Variants in IRF2 observed in about 807,000 individuals in gnomAD.
IRF2 encodes the protein interferon regulatory factor 2.
Under a neutral mutation model 40.6 loss-of-function variants are expected in IRF2, and 15 were observed. The ratio of observed to expected loss-of-function variants is 0.37; its 90% CI spans 0.25 to 0.57. IRF2 has a LOEUF of 0.57. Ranked by LOEUF, IRF2 falls within the 20% of genes least tolerant of loss-of-function variation. The pLI is 0.77. For missense variants in IRF2, 317 were observed against 455.7 expected, an observed-to-expected ratio of 0.70 and a Z score of 2.77; for synonymous variants, 151 against 165.5, an observed-to-expected ratio of 0.91 and a Z score of 0.67.
chr4:184,435,566 T>C (rs1411104273), intron 1 of IRF2, among the ~76,000 whole-genome samples: 1 of 152,094 alleles, frequency 6.6e-6, no homozygotes, highest in Non-Finnish European at 1.5e-5. Context: ...AGTTAAAAAT[T>C]AGGGGGGCAA....
intron 8 of IRF2, among the ~76,000 whole-genome samples, 190 bp from the exon 9 acceptor site, chr4:184,389,256 C>A (rs777099731): frequency 2.0e-5 from 3 of 151,932 alleles, no homozygotes; most frequent in African/African-American, 7.3e-5. Context: ...CTCATCTCTA[C>A]AAAACGTAAG....
At chr4:184,461,043 A>AT (rs1200924759) in intron 1 of IRF2, among the ~76,000 whole-genome samples, 2 of 152,210 alleles carry the variant, frequency 1.3e-5, no homozygotes, top group African/African-American at 4.8e-5. Context: ...GAGTTCCTGG[A>AT]TATCTTTCAT....
intron 1 of IRF2, among the ~76,000 whole-genome samples, chr4:184,471,726 T>A (rs35413497): frequency 0.2 from 30,896 of 152,152 alleles, 3,668 homozygotes; most frequent in South Asian, 0.33. Flanking sequence ...ACTATTTGCC[T>A]AATAAAGTGT....
intron 5 of IRF2, among the ~76,000 whole-genome samples, chr4:184,412,225 C>A (rs1447232328): frequency 6.6e-6 from 1 of 152,082 alleles, no homozygotes; most frequent in East Asian, 1.9e-4. Context: ...GGATTTTAAG[C>A]AAAAGCAAAC....
intron 8 of IRF2, among the ~76,000 whole-genome samples, chr4:184,389,563 T>C (rs926437356): frequency 6.6e-6 from 1 of 152,230 alleles, no homozygotes; most frequent in Non-Finnish European, 1.5e-5. Flanking sequence ...TGCACCCAGC[T>C]ATTCATATGC....
intron 6 of IRF2, chr4:184,407,197 G>C (rs1434851150): frequency 7.8e-7 from 1 of 1,289,422 alleles, no homozygotes. Flanking sequence ...GAGGCCAGCG[G>C]AGGCCTGTCA....
intron 1 of IRF2, among the ~76,000 whole-genome samples, chr4:184,435,316 G>A (rs753495584): frequency 1.4e-4 from 22 of 152,118 alleles, no homozygotes; most frequent in Non-Finnish European, 2.6e-4. Context: ...TCTCCGTCTT[G>A]CAAACCACTG....
chr4:184,437,673 G>A (rs1218158857), intron 1 of IRF2, among the ~76,000 whole-genome samples: 2 of 152,160 alleles, frequency 1.3e-5, no homozygotes, highest in African/African-American at 2.4e-5. Context: ...GTCTGAGCTT[G>A]TTTACGCAGG....
intron 1 of IRF2, among the ~76,000 whole-genome samples, chr4:184,444,847 C>G (rs1201391642): frequency 6.6e-6 from 1 of 152,244 alleles, no homozygotes; most frequent in South Asian, 2.1e-4. Flanking sequence ...CCATGGGTAA[C>G]TGTAACCACT....
At chr4:184,447,942 C>T (rs569822479) in intron 1 of IRF2, among the ~76,000 whole-genome samples, 1 of 152,266 alleles carries the variant, frequency 6.6e-6, no homozygotes, top group Admixed American at 6.5e-5. Flanking sequence ...GGGTGGGAGG[C>T]GACTCACACA....
intron 6 of IRF2, among the ~76,000 whole-genome samples, chr4:184,401,767 C>T (rs910897655): frequency 4.6e-5 from 7 of 152,174 alleles, no homozygotes; most frequent in South Asian, 2.1e-4. Context: ...GAGGGCGCAG[C>T]GATACCTTGC....
At chr4:184,469,140 T>C (rs982122985) in intron 1 of IRF2, among the ~76,000 whole-genome samples, 4 of 152,202 alleles carry the variant, frequency 2.6e-5, no homozygotes, top group African/African-American at 4.8e-5. Flanking sequence ...TTTAAAATAA[T>C]TGCATGGGGT....
At chr4:184,411,341 G>C (rs929329825) in intron 5 of IRF2, among the ~76,000 whole-genome samples, 1 of 152,154 alleles carries the variant, frequency 6.6e-6, no homozygotes, top group African/African-American at 2.4e-5. Context: ...TTACAGGCAT[G>C]AGCCACCATG....
chr4:184,405,736 A>G (rs1405456289), intron 6 of IRF2, among the ~76,000 whole-genome samples: 4 of 152,222 alleles, frequency 2.6e-5, no homozygotes, highest in African/African-American at 9.6e-5. Context: ...GTGAGGGAAG[A>G]TAGGAGGAGC....
intron 1 of IRF2, among the ~76,000 whole-genome samples, chr4:184,444,816 A>G (rs1180393371): frequency 1.3e-5 from 2 of 152,250 alleles, no homozygotes; most frequent in African/African-American, 2.4e-5. Flanking sequence ...TTCCCATTTA[A>G]TATTTTCAGA....
chr4:184,408,194 T>C lies in IRF2; in HGVS notation c.493A>G (p.Ile165Val), dbSNP rs772855410. 2 of 1,610,802 alleles carry C rather than the reference T, an allele frequency of 1.2e-6. No homozygotes were observed. The highest frequency in any genetic ancestry group is 3.3e-5 in the Admixed American group (2 of 60,020). ...ACCGTACTATCCACTTCATTTTTTA[T>C]AGTTGAAGTCAGGACCGCATACTCA... Reference protein sequence around the residue: ...SPEYAVLTSTIKNEVDSTVNI... With the variant: ...SPEYAVLTSTVKNEVDSTVNI... Residue 165 changes from isoleucine to valine, a missense_variant, in exon 6 of 9, where the codon ATA becomes GTA. Physicochemically the swap from Ile to Val is conservative, Grantham distance 29. Transcript: ENST00000393593. This position sits in a 1 kb window ranked among gnomAD's most constrained non-coding sequence, Gnocchi z 4.9.
Position 184,447,616 on chromosome 4 carries a change from C to A in IRF2, c.-6-18546G>T, listed in dbSNP as rs546379186. Among the ~76,000 whole-genome samples the A allele has an allele frequency of 4.5e-4, 69 of 152,254 alleles. No individual in the cohort carries two copies. The South Asian group carries it at 0.013, about 28-fold the overall frequency. The stretch of plus-strand genomic sequence containing the variant: ...TCATGGAGAAGGCTGACTGATGGCT[C>A]CTTAATTAAAAGATCAAATGAACGT... On this transcript the variant is annotated intron_variant, in intron 1 of 8. Transcript: ENST00000393593.
intron 8 of IRF2, among the ~76,000 whole-genome samples, 189 bp downstream of exon 8, chr4:184,390,514 G>A (rs761859197): frequency 2.0e-5 from 3 of 152,014 alleles, no homozygotes; most frequent in Admixed American, 6.6e-5. Flanking sequence ...CAGTTCCAAC[G>A]CCGAATTTTA....
At chr4:184,406,842 T>C (rs1423209331) in intron 6 of IRF2, among the ~76,000 whole-genome samples, 1 of 152,160 alleles carries the variant, frequency 6.6e-6, no homozygotes, top group Non-Finnish European at 1.5e-5. Context: ...AGTTTCACCA[T>C]AGATAAAGAC....
Sources: allele counts gnomAD v4.1 joint callset (sites outside exome capture counted in the v4.1 genomes callset), GRCh38; gene constraint gnomAD v4.1.1; non-coding constraint Gnocchi (gnomAD v3.1); transcripts MANE v1.5; gene names NCBI Gene and HGNC (gene_info 2026-07-23, HGNC 2026-07-21).